The following PRDM16 variants were observed in gnomAD, a reference collection of about 807,000 sequenced individuals.
The protein encoded by PRDM16 is PR/SET domain 16.
A neutral mutation model predicts 110.6 loss-of-function variants in PRDM16; 23 were observed. The observed-to-expected ratio is 0.21, with a 90% CI of 0.15 to 0.29. The LOEUF is 0.29. Among genes scored for constraint, PRDM16 ranks in the 10% least tolerant of loss-of-function variants. The pLI is 1.00. For missense variants in PRDM16, 1,615 were observed against 1,794.3 expected, an observed-to-expected ratio of 0.90 and a Z score of 1.81; for synonymous variants, 799 against 781.8, an observed-to-expected ratio of 1.02 and a Z score of -0.37.
In PRDM16 at chr1:3,089,915, C is replaced by CTCATTCATTCAT. The variant is rs60239912; in HGVS notation, c.37+20624_37+20635dup. On this transcript the variant is annotated intron_variant, in intron 1 of 16. Coordinates refer to ENST00000270722, the MANE Select transcript of PRDM16 (RefSeq NM_022114.4). The stretch of plus-strand genomic sequence containing the variant: ...ACTGTGACCCAGCGTCTAAAATCCA[C>CTCATTCATTCAT]TCATTCATTCATTCATCCATTCATT... Among the ~76,000 whole-genome samples, 47 of 151,530 alleles carry CTCATTCATTCAT rather than the reference C, an allele frequency of 3.1e-4. No homozygotes were observed. The East Asian group carries it at 5.3e-3, about 17-fold the overall frequency.
At chr1:3,407,582 T>C (rs145192902) in intron 8 of PRDM16, among the ~76,000 whole-genome samples, 334 of 152,260 alleles carry the variant, frequency 2.2e-3, no homozygotes, top group African/African-American at 7.3e-3. Flanking sequence ...GCGGCACCAG[T>C]TGGTGCCTCA....
At position 3,412,397 on chromosome 1, in the gene PRDM16, C is replaced by T. The variant is rs753162594; in HGVS notation, c.2200C>T (p.Pro734Ser). 1.2e-6 allele frequency: 2 copies of T among 1,613,378 alleles called. No individual in the cohort carries two copies. The highest frequency in any genetic ancestry group is 1.7e-6 in the Non-Finnish European group (2 of 1,179,990). ...AFPFQFLPNF[P>S]HSLYPFTDRA... ...CCCCTTCCAGTTCCTGCCCAACTTC[C>T]CCCACTCCCTTTACCCCTTCACGGA... The change falls in exon 9 of 17, where the codon CCC (proline) becomes TCC (serine). Residue 734 changes from proline (P) to serine (S), a missense_variant. Coordinates refer to ENST00000270722, the MANE Select transcript of PRDM16 (RefSeq NM_022114.4).
In PRDM16 at chr1:3,402,787, G is replaced by T; in HGVS notation, c.677-4G>T. The T allele has an allele frequency of 6.2e-7, 1 of 1,609,032 alleles. No homozygotes were observed. On this transcript the variant is annotated splice_polypyrimidine_tract_variant and splice_region_variant and intron_variant, in intron 5 of 16. Transcript: ENST00000270722. ...TCACCACCACCTCGTTCTCTCTCTT[G>T]CAGAGGAGCCCACGTTCCGCTGTGA...
chr1:3,363,805 A>AGGAGGAGGAAG (rs1642760721), intron 3 of PRDM16, among the ~76,000 whole-genome samples: 1 of 152,140 alleles, frequency 6.6e-6, no homozygotes, highest in African/African-American at 2.4e-5. Flanking sequence ...AAGAAGGAGA[A>AGGAGGAGGAAG]GGAGGAGGAA....
chr1:3,085,059 C>T (rs975830514), intron 1 of PRDM16, among the ~76,000 whole-genome samples: 2 of 152,204 alleles, frequency 1.3e-5, no homozygotes, highest in Non-Finnish European at 2.9e-5. Flanking sequence ...TCCCCAGCCG[C>T]ACCTCTCTGT....
At chr1:3,324,717 TC>T (rs1233933505) in intron 3 of PRDM16, among the ~76,000 whole-genome samples, 1 of 146,864 alleles carries the variant, frequency 6.8e-6, no homozygotes, top group Non-Finnish European at 1.5e-5. Context: ...AGCACAGATG[TC>T]CCCCCTGATT....
intron 7 of PRDM16, 26 bp from the exon 8 acceptor site, chr1:3,405,469 C>G: frequency 6.5e-7 from 1 of 1,534,134 alleles, no homozygotes; most frequent in Non-Finnish European, 8.8e-7. Context: ...AGGCAGGGCA[C>G]GCGCCAACGG....
Position 3,265,580 on chromosome 1 carries a change from G to A in PRDM16, c.438+21443G>A, listed in dbSNP as rs1344913588. On this transcript the variant is annotated intron_variant, in intron 3 of 16. Transcript: ENST00000270722. The surrounding 1 kb of genome is among the most constrained non-coding windows in gnomAD (Gnocchi z 4.5). Reference sequence around the variant, plus strand: ...GTTCATGGGAAGAGGAGAAGGGGTCGTCCTGGTGGGAGAGGGAGAAGCAGA... The same window carrying A: ...GTTCATGGGAAGAGGAGAAGGGGTCATCCTGGTGGGAGAGGGAGAAGCAGA... 1.3e-5 allele frequency among the ~76,000 whole-genome samples: 2 copies of A among 152,078 alleles called. No individual in the cohort carries two copies. The highest frequency in any genetic ancestry group is 2.9e-5 in the Non-Finnish European group (2 of 68,004).
intron 1 of PRDM16, among the ~76,000 whole-genome samples, chr1:3,137,259 C>G (rs1010094691): frequency 3.3e-5 from 5 of 152,216 alleles, no homozygotes; most frequent in African/African-American, 1.2e-4. Context: ...CTTCTCCCCA[C>G]GCTGACCTGG....
chr1:3,183,997 A>AC (rs57672093), intron 1 of PRDM16, among the ~76,000 whole-genome samples: 5,767 of 149,812 alleles, frequency 0.038, 332 homozygotes, highest in East Asian at 0.27. Context: ...GTTAATTACC[A>AC]CCCCCCCCAA....
At chr1:3,409,734 G>A (rs1366205978) in intron 8 of PRDM16, among the ~76,000 whole-genome samples, 2 of 147,172 alleles carry the variant, frequency 1.4e-5, no homozygotes, top group Admixed American at 6.8e-5. Flanking sequence ...TGTGTGTAGT[G>A]TGGGTGTGTG....
At chr1:3,126,792 C>T (rs1216623022) in intron 1 of PRDM16, among the ~76,000 whole-genome samples, 2 of 152,212 alleles carry the variant, frequency 1.3e-5, no homozygotes, top group South Asian at 2.1e-4. Flanking sequence ...CACAGCACCT[C>T]GAAAAGGCAG....
rs902793910 is a variant in PRDM16 at position 3,435,068 on chromosome 1, G to A, written c.*1257G>A. The A allele has an allele frequency of 1.3e-5, 3 of 226,804 alleles. No homozygotes were observed. The highest frequency in any genetic ancestry group is 6.3e-5 in the East Asian group (1 of 15,938). 14.0% of individuals were successfully genotyped at this position (226,804 alleles called of 1,614,324 possible). ...CAGAAGGGCGTCGGGGGAACCTGCC[G>A]CAAGGAGCAGAGACAGCACAGCCCC... On this transcript the variant is annotated 3_prime_UTR_variant, in exon 17 of 17. Coordinates refer to ENST00000270722, the MANE Select transcript of PRDM16 (RefSeq NM_022114.4).
At chr1:3,371,814 GT>G (rs1642913460) in intron 3 of PRDM16, among the ~76,000 whole-genome samples, 1 of 152,252 alleles carries the variant, frequency 6.6e-6, no homozygotes, top group Admixed American at 6.5e-5. Flanking sequence ...CTTTCTGGCT[GT>G]GCAAACTTGG....
In PRDM16 at chr1:3,350,151, C is replaced by A. The variant is rs963782081; in HGVS notation, c.439-35001C>A. On this transcript the variant is annotated intron_variant, in intron 3 of 16. Coordinates refer to ENST00000270722, the MANE Select transcript of PRDM16 (RefSeq NM_022114.4). The surrounding 1 kb of genome is among the most constrained non-coding windows in gnomAD (Gnocchi z 7.1). ...GGCCAGCCTGGACAACATAGCAAGA[C>A]CCTATCTCTACAAAAAATACAAAAA... Among the ~76,000 whole-genome samples the A allele has an allele frequency of 2.6e-5, 4 of 152,146 alleles. No homozygotes were observed.
At chr1:3,109,719 G>T (rs769985596) in intron 1 of PRDM16, among the ~76,000 whole-genome samples, 3 of 152,228 alleles carry the variant, frequency 2.0e-5, no homozygotes, top group Non-Finnish European at 4.4e-5. Context: ...CTTGAGCAAA[G>T]GACATGAAAG....
Position 3,180,901 on chromosome 1 carries a change from C to T in PRDM16, c.38-5224C>T, listed in dbSNP as rs879449143. Among the ~76,000 whole-genome samples the T allele has an allele frequency of 1.1e-3, 154 of 138,084 alleles. 1 individual carries two copies. Among genetic ancestry groups the T allele is most frequent in the South Asian group, 3.5e-3 (15 of 4,236 alleles). The allele number at this position is 138,084 out of a possible 152,430, so 90.6% of individuals were successfully genotyped here. On this transcript the variant is annotated intron_variant, in intron 1 of 16. Coordinates refer to ENST00000270722, the MANE Select transcript of PRDM16 (RefSeq NM_022114.4). Reference sequence around the variant, plus strand: ...GCAGTCTTACACACGGCCTCACACACGCAGTCTTACACGCAGCCTTACACA... The same window carrying T: ...GCAGTCTTACACACGGCCTCACACATGCAGTCTTACACGCAGCCTTACACA...
At chr1:3,074,247 T>A (rs1268792122) in intron 1 of PRDM16, among the ~76,000 whole-genome samples, 1 of 151,750 alleles carries the variant, frequency 6.6e-6, no homozygotes, top group Non-Finnish European at 1.5e-5. Context: ...CTTTTGAGAG[T>A]GAGAAACCCC....
chr1:3,164,569 G>T (rs1287313541), intron 1 of PRDM16, among the ~76,000 whole-genome samples: 2 of 152,176 alleles, frequency 1.3e-5, no homozygotes, highest in Non-Finnish European at 2.9e-5. Context: ...TTGCTGAGCG[G>T]ACAGAAAACT....
Sources: gnomAD v4.1 joint callset for allele counts (sites outside exome capture counted in the v4.1 genomes callset) on GRCh38, gnomAD v4.1.1 for gene constraint, Gnocchi (gnomAD v3.1) non-coding constraint, MANE v1.5 for transcripts, NCBI Gene and HGNC (gene_info 2026-07-23, HGNC 2026-07-21) for gene names.